Variants in TIE1 observed in about 807,000 individuals in gnomAD.
TIE1 encodes tyrosine kinase with immunoglobulin like and EGF like domains 1.
In TIE1, 89 loss-of-function variants were observed where a neutral mutation model predicts 130.5. That is an observed-to-expected ratio of 0.68 (90% CI 0.57 to 0.81). The LOEUF is 0.81. TIE1 is among the 40% of genes least tolerant of loss of function. The probability of loss-of-function intolerance (pLI) is 0.00; values close to 1 mark genes in which losing one functional copy is unlikely to be tolerated. For synonymous variants in TIE1, 568 were observed against 629.4 expected (o/e 0.90, Z 1.46); for missense variants, 1,392 against 1,559.8 (o/e 0.89, Z 1.81).
chr1:43,313,015 A>G lies in TIE1; in HGVS notation c.1928-120A>G, dbSNP rs940999417. The G allele has an allele frequency of 8.4e-7, 1 of 1,195,032 alleles. No individual in the cohort carries two copies. Among genetic ancestry groups the G allele is most frequent in the Non-Finnish European group, 1.2e-6 (1 of 854,122 alleles). 74.0% of individuals were successfully genotyped at this position (1,195,032 alleles called of 1,614,324 possible). On this transcript the variant is annotated intron_variant, in intron 12 of 22. Transcript: ENST00000372476. This position sits in a 1 kb window ranked among gnomAD's most constrained non-coding sequence, Gnocchi z 6.2. ...GTCTGGTGGGGAGGAGGAAGTTGGCAGGGTGGCCCCTGTGCTTGGACCCAC... is the reference window on the plus strand; with the variant it reads ...GTCTGGTGGGGAGGAGGAAGTTGGCGGGGTGGCCCCTGTGCTTGGACCCAC...
In TIE1 at chr1:43,309,238, G is replaced by T; in HGVS notation, c.1188+107G>T. The T allele has an allele frequency of 6.6e-7, 1 of 1,509,052 alleles. No homozygotes were observed. Among genetic ancestry groups the T allele is most frequent in the South Asian group, 1.3e-5 (1 of 74,836 alleles). The allele number at this position is 1,509,052 out of a possible 1,614,324, so 93.5% of individuals were successfully genotyped here. On this transcript the variant is annotated intron_variant, in intron 8 of 22. Coordinates refer to ENST00000372476, the MANE Select transcript of TIE1 (RefSeq NM_005424.5). This position sits in a 1 kb window ranked among gnomAD's most constrained non-coding sequence, Gnocchi z 6.3. ...GAACTTTCTGCAGGGCCCACCCATT[G>T]GCCTGACCATTGCTCACATGAGGTC... is the stretch of plus-strand genomic sequence containing the variant.
At position 43,312,078 on chromosome 1, in the gene TIE1, A is replaced by G; in HGVS notation, c.1577A>G (p.Glu526Gly). The change falls in exon 11 of 23, where the codon GAA (glutamate) becomes GGA (glycine). Residue 526 changes from glutamate to glycine, a missense_variant. By Grantham distance (98) the Glu-to-Gly change is moderately conservative. This residue lies in a region of TIE1 where 551 missense variants were observed against 565.5 expected (regional missense o/e 0.97). Coordinates refer to ENST00000372476, the MANE Select transcript of TIE1 (RefSeq NM_005424.5). This position sits in a 1 kb window ranked among gnomAD's most constrained non-coding sequence, Gnocchi z 5.6. The stretch of plus-strand genomic sequence containing the variant: ...CGTGTGCAGCTGAGCCGGCCAGGGG[A>G]AGGAGGAGAGGGGGCCTGGGGGCCT... Reference protein sequence around the residue: ...SVRVQLSRPGEGGEGAWGPPT... With the variant: ...SVRVQLSRPGGGGEGAWGPPT... 6.2e-7 allele frequency: 1 copy of G among 1,602,814 alleles called. No homozygotes were observed. Among genetic ancestry groups the G allele is most frequent in the Non-Finnish European group, 8.5e-7 (1 of 1,173,034 alleles).
rs562889377 is a variant in TIE1 at position 43,308,659 on chromosome 1, C to T, written c.1043-327C>T. On this transcript the variant is annotated intron_variant, in intron 7 of 22. Transcript: ENST00000372476. ...GGACCCCTAGCTGCTGGCCGGGGAG[C>T]GGGAGCAGGAGACCCTCGAGGACTC... Among the ~76,000 whole-genome samples, 55 of 152,162 alleles carry T rather than the reference C, an allele frequency of 3.6e-4. 1 individual carries two copies. In the South Asian group the frequency reaches 0.011, roughly 30 times the overall value.
Position 43,317,947 on chromosome 1 carries a change from C to T in TIE1, c.2797C>T (p.Arg933Trp), listed in dbSNP as rs747700194. The change falls in exon 17 of 23, where the codon CGG becomes TGG. Residue 933 changes from arginine to tryptophan, a missense_variant. This residue lies in a region of TIE1 where 286 missense variants were observed against 354.4 expected (regional missense o/e 0.81). Transcript: ENST00000372476. This position sits in a 1 kb window ranked among gnomAD's most constrained non-coding sequence, Gnocchi z 5.1. ...GNLLDFLRKS[R>W]VLETDPAFAR... ...CCTGCTAGATTTTCTGCGGAAAAGC[C>T]GGGTCCTAGAGACTGACCCAGCTTT... 4.3e-6 allele frequency: 7 copies of T among 1,613,986 alleles called. No individual in the cohort carries two copies. Among genetic ancestry groups the T allele is most frequent in the South Asian group, 1.1e-5 (1 of 91,078 alleles).
Position 43,321,454 on chromosome 1 carries a change from C to A in TIE1, c.3207C>A (p.Gly1069=), listed in dbSNP as rs1260550695. 1.9e-6 allele frequency: 3 copies of A among 1,614,048 alleles called. No homozygotes were observed. The highest frequency in any genetic ancestry group is 2.2e-5 in the South Asian group (2 of 91,086). ...AGCTCTATGAAAAGCTGCCCCAGGG[C>A]TACCGCATGGAGCAGCCTCGAAACT... ...CAELYEKLPQ[G]YRMEQPRNCD... Residue 1069 remains glycine (G), a synonymous_variant, in exon 21 of 23, where the codon GGC becomes GGA. Transcript: ENST00000372476.
At position 43,322,573 on chromosome 1, in the gene TIE1, C is replaced by G; in HGVS notation, c.3346-78C>G. 1 of 1,076,782 alleles carries G rather than the reference C, an allele frequency of 9.3e-7. No individual in the cohort carries two copies. The allele number at this position is 1,076,782 out of a possible 1,614,324, so 66.7% of individuals were successfully genotyped here. Reference sequence around the variant, plus strand: ...AAATCAGTGTCAGTTCAAATGCCCCCACCACATGGAAGTCCAGGAGCTTGA... The same window carrying G: ...AAATCAGTGTCAGTTCAAATGCCCCGACCACATGGAAGTCCAGGAGCTTGA... On this transcript the variant is annotated intron_variant, in intron 22 of 22. Coordinates refer to ENST00000372476, the MANE Select transcript of TIE1 (RefSeq NM_005424.5). The surrounding 1 kb of genome is among the most constrained non-coding windows in gnomAD (Gnocchi z 4.0).
intron 19 of TIE1, 81 bp from the exon 20 acceptor site, chr1:43,321,188 C>G: frequency 6.8e-7 from 1 of 1,470,606 alleles, no homozygotes; most frequent in Non-Finnish European, 9.5e-7. Context: ...CTGGGAGGCA[C>G]TGCACATCTT....
intron 1 of TIE1, chr1:43,302,435 A>T (rs1301479758): frequency 6.6e-6 from 1 of 152,320 alleles, no homozygotes; most frequent in Non-Finnish European, 1.5e-5. Context: ...AACACAGGAC[A>T]GGGGAAGAGG....
Position 43,322,872 on chromosome 1 carries a change from TG to T in TIE1, c.*153del, listed in dbSNP as rs1377761812. 1.5e-6 allele frequency: 1 copy of T among 685,122 alleles called. No individual in the cohort carries two copies. The highest frequency in any genetic ancestry group is 2.5e-6 in the Non-Finnish European group (1 of 404,826). 42.4% of individuals were successfully genotyped at this position (685,122 alleles called of 1,614,324 possible). On this transcript the variant is annotated 3_prime_UTR_variant, in exon 23 of 23. Transcript: ENST00000372476. The surrounding 1 kb of genome is among the most constrained non-coding windows in gnomAD (Gnocchi z 4.0). ...GAAAAAAAGGGATCTGGGGATGGGGTGGGCTTAGGGGAACTGGGTTCCCATG... is the reference window on the plus strand; with the variant it reads ...GAAAAAAAGGGATCTGGGGATGGGGTGGCTTAGGGGAACTGGGTTCCCATG...
chr1:43,307,658 G>A lies in TIE1; in HGVS notation c.913+86G>A, dbSNP rs955130052. 2.5e-6 allele frequency: 4 copies of A among 1,605,326 alleles called. No individual in the cohort carries two copies. Among genetic ancestry groups the A allele is most frequent in the Admixed American group, 1.7e-5 (1 of 59,796 alleles). ...ACCCTCCACTCTGCCTCTGACTTAC[G>A]CAGCAAGCCCTCCTGCTCACTTGAC... On this transcript the variant is annotated intron_variant, in intron 6 of 22. Transcript: ENST00000372476. This position sits in a 1 kb window ranked among gnomAD's most constrained non-coding sequence, Gnocchi z 5.4.
At chr1:43,320,655 A>T (rs1203915677) in intron 19 of TIE1, 1 of 152,182 alleles carries the variant, frequency 6.6e-6, no homozygotes, top group Non-Finnish European at 1.5e-5. Context: ...GATCGAGACC[A>T]TCCTGGCTGA....
chr1:43,317,737 C>T lies in TIE1; in HGVS notation c.2731+63C>T, dbSNP rs935410290. 2 of 1,487,460 alleles carry T rather than the reference C, an allele frequency of 1.3e-6. No homozygotes were observed. The highest frequency in any genetic ancestry group is 1.8e-6 in the Non-Finnish European group (2 of 1,086,294). 92.1% of individuals were successfully genotyped at this position (1,487,460 alleles called of 1,614,324 possible). On this transcript the variant is annotated intron_variant, in intron 16 of 22. Coordinates refer to ENST00000372476, the MANE Select transcript of TIE1 (RefSeq NM_005424.5). This position sits in a 1 kb window ranked among gnomAD's most constrained non-coding sequence, Gnocchi z 5.1. The stretch of plus-strand genomic sequence containing the variant: ...CCCCCATCCTCAGCCATCACCTCCA[C>T]CACATGAGTAGCTTGCCAGGGGCTG...
At position 43,312,382 on chromosome 1, in the gene TIE1, T is replaced by A. The variant is rs767238455; in HGVS notation, c.1708T>A (p.Leu570Met). 12 of 1,599,412 alleles carry A rather than the reference T, an allele frequency of 7.5e-6. No individual in the cohort carries two copies. The highest frequency in any genetic ancestry group is 9.4e-6 in the Non-Finnish European group (11 of 1,172,386). ...GCTGCGAGTGAGCTGGTCCTTGCCC[T>A]TGGTGCCCGGGCCACTGGTGGGCGA... Reference protein sequence around the residue: ...DRLRVSWSLPLVPGPLVGDGF... With the variant: ...DRLRVSWSLPMVPGPLVGDGF... Residue 570 changes from leucine to methionine, a missense_variant, in exon 12 of 23, where the codon TTG (leucine) becomes ATG (methionine). Leu to Met is a conservative substitution (Grantham distance 15). Transcript: ENST00000372476. The surrounding 1 kb of genome is among the most constrained non-coding windows in gnomAD (Gnocchi z 5.6).
rs536155846 is a variant in TIE1, at chr1:43,306,796, C to G, written c.485-44C>G. 3.2e-6 allele frequency: 5 copies of G among 1,561,356 alleles called. No individual in the cohort carries two copies. In the African/African-American group the frequency reaches 5.4e-5, roughly 17 times the overall value. On this transcript the variant is annotated intron_variant, in intron 3 of 22. Transcript: ENST00000372476. This position sits in a 1 kb window ranked among gnomAD's most constrained non-coding sequence, Gnocchi z 4.9. Reference sequence around the variant, plus strand: ...AGGTGGACAGAGAGAGGTGACACAGCCCTCATGTAGTGCTGAGGCCCCTGA... The same window carrying G: ...AGGTGGACAGAGAGAGGTGACACAGGCCTCATGTAGTGCTGAGGCCCCTGA...
chr1:43,301,726 G>A (rs558290078), intron 1 of TIE1, among the ~76,000 whole-genome samples: 10 of 152,208 alleles, frequency 6.6e-5, no homozygotes, highest in South Asian at 4.1e-4. Flanking sequence ...AAAATTAGCC[G>A]GGCGTGGTGG....
At position 43,306,750 on chromosome 1, in the gene TIE1, T is replaced by A. The variant is rs1036539405; in HGVS notation, c.485-90T>A. 1.0e-5 allele frequency: 15 copies of A among 1,460,180 alleles called. No individual in the cohort carries two copies. The highest frequency in any genetic ancestry group is 2.2e-5 in the Admixed American group (1 of 45,812). 90.5% of individuals were successfully genotyped at this position (1,460,180 alleles called of 1,614,324 possible). Reference sequence around the variant, plus strand: ...TAGGTCTCATCACTGTGCATGGGGCTCATTGATGTGAGCTGAGCAGAGGTG... The same window carrying A: ...TAGGTCTCATCACTGTGCATGGGGCACATTGATGTGAGCTGAGCAGAGGTG... On this transcript the variant is annotated intron_variant, in intron 3 of 22. Transcript: ENST00000372476. This position sits in a 1 kb window ranked among gnomAD's most constrained non-coding sequence, Gnocchi z 4.9.
In TIE1 at chr1:43,307,590, T is replaced by C; in HGVS notation, c.913+18T>C. On this transcript the variant is annotated intron_variant, in intron 6 of 22. Coordinates refer to ENST00000372476, the MANE Select transcript of TIE1 (RefSeq NM_005424.5). The surrounding 1 kb of genome is among the most constrained non-coding windows in gnomAD (Gnocchi z 5.4). The stretch of plus-strand genomic sequence containing the variant: ...CCAAGAAGGTATGCCTAACCTACCC[T>C]CATGGTCCCTGACCAAGACAGCTGG... 6.2e-7 allele frequency: 1 copy of C among 1,613,858 alleles called. No individual in the cohort carries two copies. The highest frequency in any genetic ancestry group is 1.7e-5 in the Admixed American group (1 of 60,024).
chr1:43,308,923 G>A (rs1356641040), intron 7 of TIE1, 63 bp from the exon 8 acceptor site: 30 of 1,610,798 alleles, frequency 1.9e-5, no homozygotes, highest in Non-Finnish European at 2.1e-5. Context: ...CGGATGAGGG[G>A]CGCTTTGGTG....
At chr1:43,302,460 G>GAC (rs1373065830) in intron 1 of TIE1, 1 of 152,352 alleles carries the variant, frequency 6.6e-6, no homozygotes, top group African/African-American at 2.4e-5. Flanking sequence ...AACAGGGACA[G>GAC]ACACAGGAGC....
Sources: gnomAD v4.1 joint callset for allele counts (sites outside exome capture counted in the v4.1 genomes callset) on GRCh38, gnomAD v4.1.1 for gene constraint, gnomAD v4.1.1 regional missense constraint, Gnocchi (gnomAD v3.1) non-coding constraint, MANE v1.5 for transcripts, NCBI Gene and HGNC (gene_info 2026-07-23, HGNC 2026-07-21) for gene names.